Variants in PAK5 observed in about 807,000 individuals in gnomAD.
PAK5 encodes p21 (RAC1) activated kinase 5.
PAK5 carries 16 observed loss-of-function variants against 65.9 expected under a neutral mutation model. The ratio of observed to expected loss-of-function variants is 0.24; its 90% CI spans 0.16 to 0.37. The LOEUF is 0.37. PAK5 is among the 10% of genes least tolerant of loss of function. The probability of loss-of-function intolerance (pLI) is 1.00; values close to 1 mark genes in which losing one functional copy is unlikely to be tolerated. For synonymous variants in PAK5, 371 were observed against 354.9 expected (o/e 1.05, Z -0.51); for missense variants, 785 against 903.9 (o/e 0.87, Z 1.69).
chr20:9,546,509 T>C (rs1418519203), intron 7 of PAK5, among the ~76,000 whole-genome samples: 3 of 152,138 alleles, frequency 2.0e-5, no homozygotes. Flanking sequence ...CCTTGGGATA[T>C]GAGTGGTAGT....
At chr20:9,544,617 A>T (rs1023347677) in intron 7 of PAK5, 123 bp from the exon 8 acceptor site, 3 of 843,610 alleles carry the variant, frequency 3.6e-6, no homozygotes, top group African/African-American at 3.4e-5. Context: ...CCTTGGACAT[A>T]TCAGAGGAGG....
In PAK5 at chr20:9,537,746, C is replaced by T; in HGVS notation, c.*1716G>A. On this transcript the variant is annotated 3_prime_UTR_variant, in exon 10 of 10. Coordinates refer to ENST00000353224, the MANE Select transcript of PAK5 (RefSeq NM_177990.4). ...TTATTCTCACATATTTATATTAATG[C>T]TTTAATATTTTACATAAAACATTGA... 1 of 220,220 alleles carries T rather than the reference C, an allele frequency of 4.5e-6. No homozygotes were observed. The allele number at this position is 220,220 out of a possible 1,614,324, so 13.6% of individuals were successfully genotyped here.
At chr20:9,835,992 T>C (rs1052226572) in intron 1 of PAK5, among the ~76,000 whole-genome samples, 1 of 152,184 alleles carries the variant, frequency 6.6e-6, no homozygotes, top group African/African-American at 2.4e-5. Flanking sequence ...GGGCACAGTA[T>C]GTTTGAGATA....
chr20:9,823,515 A>G (rs1242940305), intron 1 of PAK5, among the ~76,000 whole-genome samples: 1 of 152,064 alleles, frequency 6.6e-6, no homozygotes, highest in Non-Finnish European at 1.5e-5. Context: ...CACAGATCTG[A>G]TGGTTTTATA....
intron 2 of PAK5, among the ~76,000 whole-genome samples, chr20:9,675,742 G>A (rs891993101): frequency 3.9e-5 from 6 of 152,208 alleles, no homozygotes; most frequent in African/African-American, 1.4e-4. Context: ...AGGAAGGCAT[G>A]TTTCTAAAGA....
rs754435525 is a variant in PAK5, at chr20:9,665,085, G to GTTTTTTTTTTTTTTTTTTTTTTT, written c.-11-20747_-11-20746insAAAAAAAAAAAAAAAAAAAAAAA. On this transcript the variant is annotated intron_variant, in intron 2 of 9. Coordinates refer to ENST00000353224, the MANE Select transcript of PAK5 (RefSeq NM_177990.4). ...CCACCATGCCCAGCTAAATTTTTCT[G>GTTTTTTTTTTTTTTTTTTTTTTT]TTTTTTTTTTTTTTTGTAGTGATGA... Among the ~76,000 whole-genome samples the GTTTTTTTTTTTTTTTTTTTTTTT allele has an allele frequency of 2.2e-4, 22 of 98,888 alleles. 2 individuals are homozygous for GTTTTTTTTTTTTTTTTTTTTTTT. The highest frequency in any genetic ancestry group is 4.9e-4 in the African/African-American group (12 of 24,616). 64.9% of individuals were successfully genotyped at this position (98,888 alleles called of 152,430 possible).
chr20:9,624,856 C>T (rs573710622), intron 3 of PAK5, among the ~76,000 whole-genome samples: 1 of 152,236 alleles, frequency 6.6e-6, no homozygotes, highest in African/African-American at 2.4e-5. Context: ...TAACTATGAG[C>T]CCCAGTCCTA....
intron 7 of PAK5, among the ~76,000 whole-genome samples, chr20:9,549,242 G>A (rs2045390881): frequency 6.6e-6 from 1 of 152,044 alleles, no homozygotes; most frequent in Non-Finnish European, 1.5e-5. Flanking sequence ...TTCACTCCAA[G>A]CAGATGGTGG....
intron 2 of PAK5, among the ~76,000 whole-genome samples, chr20:9,707,559 C>G (rs1425724672): frequency 6.6e-6 from 1 of 152,140 alleles, no homozygotes; most frequent in African/African-American, 2.4e-5. Flanking sequence ...CTTTGAACTC[C>G]TCTAACCAGG....
intron 2 of PAK5, among the ~76,000 whole-genome samples, chr20:9,690,963 C>T (rs1644876843): frequency 6.6e-6 from 1 of 151,810 alleles, no homozygotes; most frequent in Non-Finnish European, 1.5e-5. Flanking sequence ...CCATGTTGGC[C>T]AGGCTGGTCT....
chr20:9,833,559 C>G (rs748015624), intron 1 of PAK5, among the ~76,000 whole-genome samples: 2 of 151,798 alleles, frequency 1.3e-5, no homozygotes, highest in African/African-American at 2.4e-5. Context: ...CTCCACACCA[C>G]CTGTATGTAC....
intron 3 of PAK5, among the ~76,000 whole-genome samples, chr20:9,606,303 T>A (rs1746906163): frequency 6.6e-6 from 1 of 152,118 alleles, no homozygotes; most frequent in South Asian, 2.1e-4. Context: ...TGATTGTAAG[T>A]TTTCTGAGGC....
At position 9,609,669 on chromosome 20, in the gene PAK5, A is replaced by G. The variant is rs192028791; in HGVS notation, c.205-28739T>C. On this transcript the variant is annotated intron_variant, in intron 3 of 9. Coordinates refer to ENST00000353224, the MANE Select transcript of PAK5 (RefSeq NM_177990.4). ...GTTTTTGCATTTGGGCACTGGCCAT[A>G]CTATCCTGGAAGATTTTACACCAGC... 4.2e-4 allele frequency among the ~76,000 whole-genome samples: 64 copies of G among 152,350 alleles called. No individual in the cohort carries two copies. In the East Asian group the frequency reaches 0.012, roughly 28 times the overall value.
chr20:9,835,312 TGA>T (rs1289415541), intron 1 of PAK5, among the ~76,000 whole-genome samples: 1 of 152,072 alleles, frequency 6.6e-6, no homozygotes, highest in African/African-American at 2.4e-5. Flanking sequence ...GAAAGGATGA[TGA>T]GAGAGTTGGG....
chr20:9,823,540 C>A (rs535336668), intron 1 of PAK5, among the ~76,000 whole-genome samples: 6 of 152,182 alleles, frequency 3.9e-5, no homozygotes, highest in Non-Finnish European at 8.8e-5. Flanking sequence ...AGCTCCCCTG[C>A]ACAATTAATC....
intron 3 of PAK5, among the ~76,000 whole-genome samples, chr20:9,613,808 C>T (rs576326221): frequency 1.3e-5 from 2 of 152,264 alleles, no homozygotes; most frequent in East Asian, 1.9e-4. Flanking sequence ...GGCACAGGCT[C>T]AAGACAGACT....
chr20:9,731,080 G>C (rs16996329), intron 1 of PAK5, among the ~76,000 whole-genome samples: 26,603 of 152,078 alleles, frequency 0.17, 2,697 homozygotes, highest in East Asian at 0.39. Context: ...CATTTTGGTT[G>C]AGCATATCCC....
intron 3 of PAK5, among the ~76,000 whole-genome samples, chr20:9,643,695 T>C (rs779595375): frequency 6.6e-6 from 1 of 152,128 alleles, no homozygotes; most frequent in Non-Finnish European, 1.5e-5. Context: ...ATTATTAAAA[T>C]CTATTGGTAG....
rs369768595 is a variant in PAK5 at position 9,664,471 on chromosome 20, T to C, written c.-11-20132A>G. 3.9e-4 allele frequency among the ~76,000 whole-genome samples: 60 copies of C among 152,268 alleles called. No individual in the cohort carries two copies. The South Asian group carries it at 0.012, about 32-fold the overall frequency. On this transcript the variant is annotated intron_variant, in intron 2 of 9. Transcript: ENST00000353224. ...ACTATGGAAATCAACAAGGCATATA[T>C]CAAAAATGGCTGACAAACTGCAATA...
Sources: allele counts gnomAD v4.1 joint callset (sites outside exome capture counted in the v4.1 genomes callset), GRCh38; gene constraint gnomAD v4.1.1; transcripts MANE v1.5; gene names NCBI Gene and HGNC (gene_info 2026-07-23, HGNC 2026-07-21).